The following NTRK3 variants were observed in gnomAD, a reference collection of about 807,000 sequenced individuals.
NTRK3 encodes neurotrophic receptor tyrosine kinase 3, also known as NT-3 growth factor receptor.
A neutral mutation model predicts 91.7 loss-of-function variants in NTRK3; 24 were observed. The observed-to-expected ratio is 0.26, with a 90% CI of 0.19 to 0.37. NTRK3 has a LOEUF of 0.37. NTRK3 is among the 10% of genes least tolerant of loss of function. NTRK3 has a pLI of 1.00. For missense variants in NTRK3, 880 were observed against 1,068.9 expected, an observed-to-expected ratio of 0.82 and a Z score of 2.46; for synonymous variants, 483 against 404.0, an observed-to-expected ratio of 1.20 and a Z score of -2.34.
At chr15:88,059,588 C>G (rs2046024396) in intron 13 of NTRK3, among the ~76,000 whole-genome samples, 3 of 152,296 alleles carry the variant, frequency 2.0e-5, no homozygotes, top group African/African-American at 7.2e-5. Flanking sequence ...GCACCTCAAT[C>G]AACACAGGAC....
intron 13 of NTRK3, among the ~76,000 whole-genome samples, chr15:88,047,098 G>A (rs2080284505): frequency 6.6e-6 from 1 of 152,138 alleles, no homozygotes; most frequent in African/African-American, 2.4e-5. Flanking sequence ...AAAGCAATGA[G>A]GTTCCACGCA....
intron 17 of NTRK3, among the ~76,000 whole-genome samples, chr15:87,908,841 A>C (rs2066923821): frequency 2.6e-5 from 4 of 151,498 alleles, no homozygotes; most frequent in Admixed American, 6.6e-5. Flanking sequence ...TCATGACACC[A>C]CTCCCAGCAC....
At chr15:88,098,054 G>A (rs1349619425) in intron 13 of NTRK3, among the ~76,000 whole-genome samples, 2 of 152,216 alleles carry the variant, frequency 1.3e-5, no homozygotes, top group African/African-American at 4.8e-5. Context: ...CCAAATTTAT[G>A]TTATAAAAAT....
intron 3 of NTRK3, among the ~76,000 whole-genome samples, chr15:88,203,936 C>A (rs141876389): frequency 0.012 from 1,783 of 150,740 alleles, 47 homozygotes; most frequent in African/African-American, 0.042. Context: ...CACGGGTATA[C>A]ATATGCCATG....
At chr15:88,133,732 G>A (rs1047637729) in intron 10 of NTRK3, among the ~76,000 whole-genome samples, 2 of 152,284 alleles carry the variant, frequency 1.3e-5, no homozygotes, top group African/African-American at 4.8e-5. Flanking sequence ...AGAGCACAGT[G>A]TGACCCAGGA....
chr15:87,999,735 T>G (rs934553508), intron 14 of NTRK3, among the ~76,000 whole-genome samples: 2 of 152,180 alleles, frequency 1.3e-5, no homozygotes, highest in African/African-American at 2.4e-5. Flanking sequence ...GCTCATGGAA[T>G]TCTGAATTCA....
chr15:88,113,575 C>G (rs1241107654), intron 13 of NTRK3, among the ~76,000 whole-genome samples: 1 of 152,174 alleles, frequency 6.6e-6, no homozygotes, highest in Non-Finnish European at 1.5e-5. Context: ...CTCAGCCTCC[C>G]AAAGTGCTGG....
chr15:87,896,679 T>A (rs879908296), intron 17 of NTRK3, among the ~76,000 whole-genome samples: 10 of 152,122 alleles, frequency 6.6e-5, no homozygotes, highest in Admixed American at 6.5e-4. Context: ...GATATCCTTT[T>A]GATTTCTGAT....
intron 13 of NTRK3, among the ~76,000 whole-genome samples, chr15:88,084,141 A>G (rs552723383): frequency 4.0e-5 from 6 of 151,452 alleles, no homozygotes; most frequent in African/African-American, 1.5e-4. Flanking sequence ...TCGAAACAGG[A>G]AATCATACTG....
At chr15:88,102,976 A>G (rs1236644056) in intron 13 of NTRK3, among the ~76,000 whole-genome samples, 1 of 152,246 alleles carries the variant, frequency 6.6e-6, no homozygotes, top group East Asian at 1.9e-4. Context: ...AGCCTAATAG[A>G]AAGTACCTAC....
exon 19 of NTRK3, chr15:87,868,966 T>C (rs1319044984): frequency 1.3e-5 from 3 of 227,534 alleles, no homozygotes; most frequent in Non-Finnish European, 1.7e-5. Context: ...CTTGAATCCC[T>C]AGAGGATTGC....
intron 6 of NTRK3, among the ~76,000 whole-genome samples, chr15:88,137,913 T>C (rs1341263970): frequency 6.6e-6 from 1 of 152,052 alleles, no homozygotes; most frequent in East Asian, 1.9e-4. Flanking sequence ...TAGCCGTGCG[T>C]GGTGGCGCAC....
At chr15:88,047,782 C>G (rs967287934) in intron 13 of NTRK3, among the ~76,000 whole-genome samples, 2 of 152,204 alleles carry the variant, frequency 1.3e-5, no homozygotes, top group African/African-American at 4.8e-5. Flanking sequence ...GTTCCAGCAT[C>G]ATCATTAATA....
chr15:87,985,702 C>T (rs1424316378), intron 14 of NTRK3, among the ~76,000 whole-genome samples: 1 of 152,118 alleles, frequency 6.6e-6, no homozygotes, highest in East Asian at 1.9e-4. Flanking sequence ...TAGCTCATGG[C>T]GTCATGCCCA....
At chr15:87,906,470 C>G (rs2066773459) in intron 17 of NTRK3, among the ~76,000 whole-genome samples, 1 of 152,158 alleles carries the variant, frequency 6.6e-6, no homozygotes. Flanking sequence ...GATGCCGTCT[C>G]AGTGGTGTCA....
intron 4 of NTRK3, among the ~76,000 whole-genome samples, chr15:88,183,875 G>A (rs1480165731): frequency 6.6e-6 from 1 of 152,174 alleles, no homozygotes; most frequent in Non-Finnish European, 1.5e-5. Flanking sequence ...GGAGGTAGCT[G>A]GGAAATCTCA....
chr15:87,964,347 T>C (rs1049476429), intron 14 of NTRK3, among the ~76,000 whole-genome samples: 1 of 151,278 alleles, frequency 6.6e-6, no homozygotes, highest in African/African-American at 2.4e-5. Context: ...AATACTTCAA[T>C]AAAGTTTACA....
At chr15:87,879,192 G>A (rs1012881768) in intron 18 of NTRK3, among the ~76,000 whole-genome samples, 1 of 152,146 alleles carries the variant, frequency 6.6e-6, no homozygotes, top group Admixed American at 6.5e-5. Context: ...TAGGAGAGCA[G>A]AGACAAACAT....
chr15:88,086,812 T>C lies in NTRK3; in HGVS notation c.1396+39459A>G, dbSNP rs28510413. 5.6e-3 allele frequency among the ~76,000 whole-genome samples: 849 copies of C among 152,326 alleles called. 13 individuals carry two copies. Among genetic ancestry groups the C allele is most frequent in the African/African-American group, 0.019 (808 of 41,570 alleles). On this transcript the variant is annotated intron_variant, in intron 13 of 18. Transcript: ENST00000394480. Reference sequence around the variant, plus strand: ...CCTCTCCTAGCCTGGGGCAGTTGTGTGGTGGATGACCCTAGTTTTTCTCTT... The same window carrying C: ...CCTCTCCTAGCCTGGGGCAGTTGTGCGGTGGATGACCCTAGTTTTTCTCTT...
Sources: allele counts gnomAD v4.1 joint callset (sites outside exome capture counted in the v4.1 genomes callset), GRCh38; gene constraint gnomAD v4.1.1; transcripts MANE v1.5; gene names NCBI Gene and HGNC (gene_info 2026-07-23, HGNC 2026-07-21).